WWOX: variants seen among roughly 807,000 people sequenced by gnomAD.
WWOX encodes WW domain containing oxidoreductase.
In WWOX, 69 loss-of-function variants were observed where a neutral mutation model predicts 46.2. The ratio of observed to expected loss-of-function variants is 1.49; its 90% confidence interval spans 1.23 to 1.82. The LOEUF (loss-of-function observed/expected upper bound fraction) is 1.82, where lower values mean the gene tolerates loss of function less well. Ranked by LOEUF, WWOX falls within the 40% of genes most tolerant of loss-of-function variation. The pLI is 0.00. For synonymous variants in WWOX, 359 were observed against 202.6 expected (o/e 1.77, Z -6.56); for missense variants, 919 against 542.6 (o/e 1.69, Z -6.89).
At chr16:78,752,474 C>T (rs1597549016) in intron 8 of WWOX, among the ~76,000 whole-genome samples, 1 of 152,100 alleles carries the variant, frequency 6.6e-6, no homozygotes, top group Non-Finnish European at 1.5e-5. Flanking sequence ...TTTTAGTAGA[C>T]ACGGGATTTC....
chr16:78,914,600 C>T (rs2045198422), intron 8 of WWOX, among the ~76,000 whole-genome samples: 1 of 151,908 alleles, frequency 6.6e-6, no homozygotes, highest in Non-Finnish European at 1.5e-5. Flanking sequence ...GGAAACCAGG[C>T]CGGGAGCAGC....
intron 8 of WWOX, among the ~76,000 whole-genome samples, chr16:79,193,435 G>A (rs1166352328): frequency 6.6e-6 from 1 of 152,108 alleles, no homozygotes. Flanking sequence ...AAAAGCGGCT[G>A]GAGGAAAAAG....
intron 8 of WWOX, among the ~76,000 whole-genome samples, chr16:78,635,881 C>A (rs890079877): frequency 6.6e-6 from 1 of 152,128 alleles, no homozygotes; most frequent in Non-Finnish European, 1.5e-5. Flanking sequence ...GAAAAAGATG[C>A]TTTGGAAACC....
chr16:78,825,611 G>C, intron 8 of WWOX: 2 of 525,828 alleles, frequency 3.8e-6, no homozygotes, highest in Admixed American at 4.0e-5. Flanking sequence ...TCCTAGGAGG[G>C]CTTACTGTGC....
intron 8 of WWOX, among the ~76,000 whole-genome samples, chr16:78,912,978 G>A (rs1597141554): frequency 6.6e-6 from 1 of 152,014 alleles, no homozygotes; most frequent in Non-Finnish European, 1.5e-5. Flanking sequence ...AAAGAACTCG[G>A]CATCCCAGAA....
chr16:78,569,473 A>C (rs2044659745), intron 8 of WWOX, among the ~76,000 whole-genome samples: 1 of 152,220 alleles, frequency 6.6e-6, no homozygotes, highest in South Asian at 2.1e-4. Flanking sequence ...AAGGGGGAAA[A>C]AGTTAAATGT....
At chr16:78,401,734 C>T (rs2082418428) in intron 6 of WWOX, among the ~76,000 whole-genome samples, 1 of 152,018 alleles carries the variant, frequency 6.6e-6, no homozygotes, top group Non-Finnish European at 1.5e-5. Context: ...GAGTCTTGCT[C>T]TGTCGCCCAG....
chr16:78,646,169 G>T (rs572399512), intron 8 of WWOX, among the ~76,000 whole-genome samples: 10 of 152,144 alleles, frequency 6.6e-5, no homozygotes, highest in Non-Finnish European at 1.3e-4. Flanking sequence ...GGTAGAGCAT[G>T]GATGCCTTTT....
chr16:79,117,668 C>T (rs539428515), intron 8 of WWOX, among the ~76,000 whole-genome samples: 1 of 152,352 alleles, frequency 6.6e-6, no homozygotes, highest in South Asian at 2.1e-4. Context: ...GTGTAGCCAC[C>T]TTAGTGGTCT....
At position 78,909,483 on chromosome 16, in the gene WWOX, T is replaced by A. The variant is rs139443206; in HGVS notation, c.1057-302125T>A. Among the ~76,000 whole-genome samples, 982 of 152,314 alleles carry A rather than the reference T, an allele frequency of 6.4e-3. 9 individuals carry two copies. The highest frequency in any genetic ancestry group is 0.022 in the African/African-American group (934 of 41,576). ...GTCAAAACAGGAGCTGTATTTCATG[T>A]CCTGAAAAGTGTGCACGGTTGGCCT... On this transcript the variant is annotated intron_variant, in intron 8 of 8. Transcript: ENST00000566780.
At chr16:78,920,464 G>C (rs552645966) in intron 8 of WWOX, among the ~76,000 whole-genome samples, 1 of 152,070 alleles carries the variant, frequency 6.6e-6, no homozygotes, top group Non-Finnish European at 1.5e-5. Context: ...TGTGATTTTC[G>C]CTGACCCCGA....
At chr16:78,604,081 C>G (rs1279278989) in intron 8 of WWOX, among the ~76,000 whole-genome samples, 1 of 152,078 alleles carries the variant, frequency 6.6e-6, no homozygotes, top group African/African-American at 2.4e-5. Context: ...GAGGTGGAGG[C>G]TGCAGTGAGC....
chr16:78,276,542 C>G (rs1253380283), intron 5 of WWOX, among the ~76,000 whole-genome samples: 1 of 152,204 alleles, frequency 6.6e-6, no homozygotes, highest in Non-Finnish European at 1.5e-5. Flanking sequence ...CTGCTGTGAG[C>G]AACCTCAAAT....
chr16:79,194,608 C>T (rs978722518), intron 8 of WWOX, among the ~76,000 whole-genome samples: 1 of 152,146 alleles, frequency 6.6e-6, no homozygotes, highest in Non-Finnish European at 1.5e-5. Flanking sequence ...TTCCATCCTT[C>T]TCCACCCCCG....
chr16:78,536,901 C>CTTTTTTTTT (rs35326105), intron 8 of WWOX, among the ~76,000 whole-genome samples: 1 of 120,058 alleles, frequency 8.3e-6, no homozygotes, highest in East Asian at 2.4e-4. Flanking sequence ...AGAGCCAAGT[C>CTTTTTTTTT]TTTTTTTTTT....
chr16:78,860,598 A>G (rs1232257234), intron 8 of WWOX, among the ~76,000 whole-genome samples: 1 of 152,242 alleles, frequency 6.6e-6, no homozygotes, highest in Admixed American at 6.5e-5. Flanking sequence ...TGGATCTTAG[A>G]TTATCGTGGA....
At position 78,415,874 on chromosome 16, in the gene WWOX, T is replaced by C. The variant is rs560054562; in HGVS notation, c.606-8996T>C. On this transcript the variant is annotated intron_variant, in intron 6 of 8. Coordinates refer to ENST00000566780, the MANE Select transcript of WWOX (RefSeq NM_016373.4). Reference sequence around the variant, plus strand: ...GGGATGTCCTCTGGCCCAGAAGGAATGCATTGGCTCTAGTTGAAGGGGTTG... The same window carrying C: ...GGGATGTCCTCTGGCCCAGAAGGAACGCATTGGCTCTAGTTGAAGGGGTTG... Among the ~76,000 whole-genome samples the C allele has an allele frequency of 9.2e-5, 14 of 152,208 alleles. No homozygotes were observed. In the East Asian group the frequency reaches 2.7e-3, roughly 30 times the overall value.
At chr16:78,933,841 A>G (rs772833314) in intron 8 of WWOX, among the ~76,000 whole-genome samples, 3 of 152,134 alleles carry the variant, frequency 2.0e-5, no homozygotes, top group Non-Finnish European at 4.4e-5. Flanking sequence ...GAATTGTGGG[A>G]GTTACAAGTT....
chr16:79,076,089 AAT>A (rs2048650940), intron 8 of WWOX, among the ~76,000 whole-genome samples: 2 of 152,218 alleles, frequency 1.3e-5, no homozygotes, highest in Admixed American at 1.3e-4. Flanking sequence ...GATTTGAGCC[AAT>A]GATACATTGC....
Sources: allele counts gnomAD v4.1 joint callset (sites outside exome capture counted in the v4.1 genomes callset), GRCh38; gene constraint gnomAD v4.1.1; transcripts MANE v1.5; gene names NCBI Gene and HGNC (gene_info 2026-07-23, HGNC 2026-07-21).